FMNL2: variants seen among roughly 807,000 people sequenced by gnomAD.
FMNL2 encodes formin like 2.
Under a neutral mutation model 130.2 loss-of-function variants are expected in FMNL2, and 51 were observed. The ratio of observed to expected loss-of-function variants is 0.39; its 90% confidence interval spans 0.31 to 0.49. The LOEUF is 0.49. Ranked by LOEUF, FMNL2 falls within the 20% of genes least tolerant of loss-of-function variation. The pLI, the probability that FMNL2 is intolerant of heterozygous loss-of-function variation, is 0.85. For synonymous variants in FMNL2, 465 were observed against 467.1 expected (o/e 1.00, Z 0.06); for missense variants, 977 against 1,316.2 (o/e 0.74, Z 3.99).
At chr2:152,523,943 C>T (rs1693246769) in intron 2 of FMNL2, among the ~76,000 whole-genome samples, 1 of 152,094 alleles carries the variant, frequency 6.6e-6, no homozygotes, top group African/African-American at 2.4e-5. Context: ...AGGAAGCTTG[C>T]ATTATTGGCA....
At chr2:152,501,532 A>G (rs1691833914) in intron 1 of FMNL2, among the ~76,000 whole-genome samples, 1 of 152,236 alleles carries the variant, frequency 6.6e-6, no homozygotes, top group Non-Finnish European at 1.5e-5. Context: ...AGAGGCTCCA[A>G]ACCAAACTAG....
chr2:152,575,542 A>G (rs1696428428), intron 7 of FMNL2, among the ~76,000 whole-genome samples: 1 of 152,160 alleles, frequency 6.6e-6, no homozygotes, highest in Admixed American at 6.5e-5. Context: ...AGATTCTATT[A>G]AAAAAGAAAG....
chr2:152,545,642 C>G (rs1185415535), intron 3 of FMNL2, among the ~76,000 whole-genome samples: 1 of 152,154 alleles, frequency 6.6e-6, no homozygotes, highest in Admixed American at 6.5e-5. Flanking sequence ...TAGGGCTCAT[C>G]CTGGGCTCAG....
intron 1 of FMNL2, among the ~76,000 whole-genome samples, chr2:152,477,698 A>C (rs1047763818): frequency 2.6e-5 from 4 of 152,230 alleles, no homozygotes; most frequent in African/African-American, 4.8e-5. Context: ...AAATTAGAAC[A>C]AAACAAAACA....
chr2:152,392,686 T>C (rs1405183901), intron 1 of FMNL2, among the ~76,000 whole-genome samples: 1 of 152,154 alleles, frequency 6.6e-6, no homozygotes. Context: ...CTTTAAAGGC[T>C]CCACTTGTAA....
chr2:152,347,130 G>A (rs570518460), intron 1 of FMNL2, among the ~76,000 whole-genome samples: 4 of 151,780 alleles, frequency 2.6e-5, no homozygotes, highest in African/African-American at 7.3e-5. Context: ...AGACACAGTT[G>A]CAACCAACTC....
intron 1 of FMNL2, among the ~76,000 whole-genome samples, chr2:152,435,436 T>C (rs939746609): frequency 2.0e-5 from 3 of 152,214 alleles, no homozygotes; most frequent in Non-Finnish European, 4.4e-5. Flanking sequence ...CTGGGTATCT[T>C]TTTCTTCTGT....
intron 1 of FMNL2, among the ~76,000 whole-genome samples, chr2:152,403,784 G>A (rs900870313): frequency 6.6e-6 from 1 of 152,098 alleles, no homozygotes; most frequent in Non-Finnish European, 1.5e-5. Flanking sequence ...AGAAATAAAT[G>A]TAGGGCCGGG....
At chr2:152,643,143 A>G (rs1293639054) in intron 25 of FMNL2, among the ~76,000 whole-genome samples, 1 of 152,182 alleles carries the variant, frequency 6.6e-6, no homozygotes, top group Non-Finnish European at 1.5e-5. Flanking sequence ...TAAGTCATTA[A>G]TCTACTAGAA....
At chr2:152,429,215 CAAAAAA>C (rs3047928) in intron 1 of FMNL2, among the ~76,000 whole-genome samples, 1 of 95,786 alleles carries the variant, frequency 1.0e-5, no homozygotes, top group African/African-American at 3.1e-5. Context: ...CTTAGAGGAA[CAAAAAA>C]AAAAAAAAAA....
intron 1 of FMNL2, among the ~76,000 whole-genome samples, chr2:152,383,983 G>A (rs1684644674): frequency 6.6e-6 from 1 of 152,186 alleles, no homozygotes; most frequent in African/African-American, 2.4e-5. Context: ...GAGTTGTACT[G>A]TAGGAACTAT....
At chr2:152,436,702 C>T (rs940563102) in intron 1 of FMNL2, among the ~76,000 whole-genome samples, 2 of 152,092 alleles carry the variant, frequency 1.3e-5, no homozygotes, top group African/African-American at 2.4e-5. Context: ...TCACTTCCTC[C>T]AGTGTTTCTG....
At chr2:152,411,096 C>A (rs1686260764) in intron 1 of FMNL2, among the ~76,000 whole-genome samples, 1 of 152,128 alleles carries the variant, frequency 6.6e-6, no homozygotes, top group Middle Eastern at 3.2e-3. Flanking sequence ...AAAATATTTC[C>A]TATTAGAAAA....
At chr2:152,457,029 A>G (rs898703609) in intron 1 of FMNL2, among the ~76,000 whole-genome samples, 1 of 152,146 alleles carries the variant, frequency 6.6e-6, no homozygotes, top group Non-Finnish European at 1.5e-5. Flanking sequence ...CTTGCTACCA[A>G]TTCTGGTTAT....
chr2:152,402,123 C>T (rs921618766), intron 1 of FMNL2, among the ~76,000 whole-genome samples: 4 of 151,866 alleles, frequency 2.6e-5, no homozygotes, highest in Admixed American at 2.0e-4. Flanking sequence ...AGGATGGTCT[C>T]GATCTCCTGA....
intron 1 of FMNL2, among the ~76,000 whole-genome samples, chr2:152,489,699 C>T (rs571881019): frequency 1.2e-4 from 18 of 152,192 alleles, no homozygotes; most frequent in Admixed American, 5.2e-4. Flanking sequence ...GGATGTGGGA[C>T]GTAGAATGTA....
chr2:152,606,633 T>G, intron 9 of FMNL2, among the ~76,000 whole-genome samples: 1 of 50,658 alleles, frequency 2.0e-5, no homozygotes, highest in African/African-American at 1.6e-4. Flanking sequence ...TTGACTCTTT[T>G]TTTTTTTTTT....
chr2:152,619,069 C>G lies in FMNL2; in HGVS notation c.1538C>G (p.Ser513Cys). The G allele has an allele frequency of 3.1e-6, 5 of 1,613,584 alleles. No homozygotes were observed. The South Asian group carries it at 5.5e-5, about 18-fold the overall frequency. ...GGGTCAGAAGTGGTAGCAGGTAACT[C>G]TGTGGGACCCACAATGGGGGCCGCT... is the stretch of plus-strand genomic sequence containing the variant. ...SMGSEVVAGNSVGPTMGAASS... is the reference protein window; with the variant it reads ...SMGSEVVAGNCVGPTMGAASS... The change falls in exon 14 of 26, where the codon TCT (serine) becomes TGT (cysteine). Residue 513 changes from serine (S) to cysteine (C), a missense_variant. Ser to Cys is a moderately radical substitution (Grantham distance 112). This residue lies in a region of FMNL2 where 689 missense variants were observed against 995.9 expected (regional missense o/e 0.69). Coordinates refer to ENST00000288670, the MANE Select transcript of FMNL2 (RefSeq NM_052905.4).
intron 2 of FMNL2, among the ~76,000 whole-genome samples, chr2:152,525,952 A>G (rs1483390487): frequency 2.0e-5 from 3 of 152,320 alleles, no homozygotes; most frequent in South Asian, 4.1e-4. Flanking sequence ...CTTGTGGTCA[A>G]ATACTATTTC....
Sources: gnomAD v4.1 joint callset for allele counts (sites outside exome capture counted in the v4.1 genomes callset) on GRCh38, gnomAD v4.1.1 for gene constraint, gnomAD v4.1.1 regional missense constraint, MANE v1.5 for transcripts, NCBI Gene and HGNC (gene_info 2026-07-23, HGNC 2026-07-21) for gene names.